The following GANC variants were observed in gnomAD, a reference collection of about 807,000 sequenced individuals.
GANC encodes the protein neutral alpha-glucosidase C.
In GANC, 117 loss-of-function variants were observed where a neutral mutation model predicts 124.2. That is an observed-to-expected ratio of 0.94 (90% CI 0.81 to 1.10). The LOEUF (loss-of-function observed/expected upper bound fraction) is 1.10. Among genes scored for constraint, GANC ranks in the 50% least tolerant of loss-of-function variants. The pLI is 0.00. For synonymous variants in GANC, 377 were observed against 376.8 expected, an observed-to-expected ratio of 1.00 and a Z score of -0.01; for missense variants, 1,140 against 1,095.0, an observed-to-expected ratio of 1.04 and a Z score of -0.58.
chr15:42,351,881 C>T (rs1361834837), intron 23 of GANC, 149 bp from the exon 24 acceptor site: 2 of 986,402 alleles, frequency 2.0e-6, no homozygotes, highest in Non-Finnish European at 2.9e-6. Flanking sequence ...TCTAAAACTT[C>T]ATGGAAGTTC....
rs1878128155 is a variant in GANC at position 42,352,440 on chromosome 15, G to T, written c.*301G>T. The T allele has an allele frequency of 3.6e-6, 4 of 1,109,056 alleles. No individual in the cohort carries two copies. Among genetic ancestry groups the T allele is most frequent in the African/African-American group, 3.2e-5 (2 of 61,702 alleles). 68.7% of individuals were successfully genotyped at this position (1,109,056 alleles called of 1,614,324 possible). ...TTGCTTCCATTCCTTCAGCAGGGCT[G>T]CGTGGGTCTGTTTTAACGTGGGCCA... On this transcript the variant is annotated 3_prime_UTR_variant, in exon 24 of 24. Transcript: ENST00000318010.
chr15:42,301,718 A>G (rs187467961), intron 6 of GANC, among the ~76,000 whole-genome samples: 57 of 152,314 alleles, frequency 3.7e-4, no homozygotes, highest in Admixed American at 1.0e-3. Context: ...TTCCCCTCAC[A>G]GTCTAAACAG....
chr15:42,279,397 A>G (rs2051709316), intron 3 of GANC, among the ~76,000 whole-genome samples: 1 of 152,208 alleles, frequency 6.6e-6, no homozygotes, highest in African/African-American at 2.4e-5. Flanking sequence ...GGAACAGGGA[A>G]CAGGCAAAAG....
intron 16 of GANC, among the ~76,000 whole-genome samples, chr15:42,339,305 A>AC: frequency 8.4e-6 from 1 of 119,172 alleles, no homozygotes; most frequent in Admixed American, 8.4e-5. Flanking sequence ...ACCCCCCTCC[A>AC]ACACACACAC....
chr15:42,292,721 G>T lies in GANC; in HGVS notation c.330-14G>T. On this transcript the variant is annotated splice_polypyrimidine_tract_variant and intron_variant, in intron 4 of 23. Transcript: ENST00000318010. ...TATAGCAGCTTGTTTCTCTCTTCCT[G>T]TTTTGTTTTCTAGGCTGATTTCATG... 6.2e-7 allele frequency: 1 copy of T among 1,609,764 alleles called. No homozygotes were observed. Among genetic ancestry groups the T allele is most frequent in the South Asian group, 1.1e-5 (1 of 90,646 alleles).
rs376286778 is a variant in GANC at position 42,352,058 on chromosome 15, G to A, written c.2664G>A (p.Thr888=). Reference sequence around the variant, plus strand: ...GTAAAGATCAGCCTGTGGCTTTTACGTATTGTGCCAAAACATCCATCCTGA... The same window carrying A: ...GTAAAGATCAGCCTGTGGCTTTTACATATTGTGCCAAAACATCCATCCTGA... ...SDGKDQPVAF[T]YCAKTSILSL... is the part of the protein sequence containing the mutation. The change falls in exon 24 of 24, where the codon ACG becomes ACA. Residue 888 remains threonine, a synonymous_variant. Coordinates refer to ENST00000318010, the MANE Select transcript of GANC (RefSeq NM_198141.3). The A allele has an allele frequency of 2.7e-5, 44 of 1,613,908 alleles. No individual in the cohort carries two copies. The highest frequency in any genetic ancestry group is 1.6e-4 in the Middle Eastern group (1 of 6,084).
chr15:42,304,367 G>A (rs2141038764), intron 6 of GANC, among the ~76,000 whole-genome samples: 1 of 152,228 alleles, frequency 6.6e-6, no homozygotes, highest in South Asian at 2.1e-4. Context: ...GTGTTTAGAG[G>A]GAAATTTGTA....
rs2141074788 is a variant in GANC, at chr15:42,340,688, A to AG, written c.2088dup. 1 of 1,599,140 alleles carries AG rather than the reference A, an allele frequency of 6.3e-7. No homozygotes were observed. The highest frequency in any genetic ancestry group is 2.2e-5 in the East Asian group (1 of 44,698). The stretch of plus-strand genomic sequence containing the variant: ...AAACAATAATTTTTTTTCTTTCCCC[A>AG]GGCCTCTGTGGGTAGAGTTCCCTGA... On this transcript the variant is annotated splice_acceptor_variant, in intron 17 of 23. Transcript: ENST00000318010. LOFTEE classifies it high-confidence loss of function.
chr15:42,321,758 G>T, intron 10 of GANC, 27 bp from the exon 11 acceptor site: 2 of 1,584,010 alleles, frequency 1.3e-6, no homozygotes, highest in South Asian at 2.2e-5. Context: ...CATGGCAGTT[G>T]ACTCAGTTGT....
In GANC at chr15:42,340,680, C is replaced by CT; in HGVS notation, c.2088-7dup. 1 of 1,576,202 alleles carries CT rather than the reference C, an allele frequency of 6.3e-7. No individual in the cohort carries two copies. Among genetic ancestry groups the CT allele is most frequent in the Admixed American group, 1.9e-5 (1 of 52,848 alleles). On this transcript the variant is annotated splice_polypyrimidine_tract_variant and intron_variant, in intron 17 of 23. Transcript: ENST00000318010. ...TAATGTTAAAACAATAATTTTTTTT[C>CT]TTTCCCCAGGCCTCTGTGGGTAGAG... is the stretch of plus-strand genomic sequence containing the variant.
intron 2 of GANC, among the ~76,000 whole-genome samples, chr15:42,277,043 A>G (rs1300310914): frequency 6.6e-6 from 1 of 152,054 alleles, no homozygotes; most frequent in African/African-American, 2.4e-5. Flanking sequence ...GTTGTTTTTA[A>G]TCTTTTGCTA....
chr15:42,280,318 C>T lies in GANC; in HGVS notation c.201+1728C>T, dbSNP rs117431351. The stretch of plus-strand genomic sequence containing the variant: ...CCCCAAAGCCATAGGTCCTCTAATG[C>T]TGATTCAGGTCTCCCTTTATATTCT... On this transcript the variant is annotated intron_variant, in intron 3 of 23. Transcript: ENST00000318010. Among the ~76,000 whole-genome samples the T allele has an allele frequency of 9.7e-3, 1,476 of 152,296 alleles. 15 individuals are homozygous for T. Among genetic ancestry groups the T allele is most frequent in the Non-Finnish European group, 0.016 (1,080 of 68,016 alleles).
chr15:42,310,379 C>T lies in GANC; in HGVS notation c.819C>T (p.Ala273=). Residue 273 remains alanine (A), a synonymous_variant, in exon 9 of 24, where the codon GCC becomes GCT. Transcript: ENST00000318010. ...ATGGTTCAGTACCTTATCTCCTGGC[C>T]CACAAACTGGGCAGAACTATAGGTA... ...GIYGSVPYLL[A]HKLGRTIGIF... The T allele has an allele frequency of 6.2e-7, 1 of 1,613,764 alleles. No homozygotes were observed. Among genetic ancestry groups the T allele is most frequent in the Non-Finnish European group, 8.5e-7 (1 of 1,179,804 alleles).
At position 42,353,248 on chromosome 15, in the gene GANC, C is replaced by T. The variant is rs116227269; in HGVS notation, c.*1109C>T. 2,404 of 986,116 alleles carry T rather than the reference C, an allele frequency of 2.4e-3. 41 individuals are homozygous for T. The African/African-American group carries it at 0.037, about 15-fold the overall frequency. The allele number at this position is 986,116 out of a possible 1,614,324, so 61.1% of individuals were successfully genotyped here. A position where few individuals can be genotyped will look rare whatever the true frequency, so the allele number is the denominator to read the frequency against. ...CGACTCCTCAGCACTCCTCAGCACACACCTCTTCTTATCAGGCTTCCTCCA... is the reference window on the plus strand; with the variant it reads ...CGACTCCTCAGCACTCCTCAGCACATACCTCTTCTTATCAGGCTTCCTCCA... On this transcript the variant is annotated 3_prime_UTR_variant, in exon 24 of 24. Coordinates refer to ENST00000318010, the MANE Select transcript of GANC (RefSeq NM_198141.3).
At chr15:42,274,548 G>A (rs371342967) in intron 1 of GANC, 38 bp downstream of exon 1, 440 of 1,582,832 alleles carry the variant, frequency 2.8e-4, no homozygotes, top group Non-Finnish European at 3.5e-4. Flanking sequence ...TGACCCCAGG[G>A]TCCCTAGAAA....
Position 42,274,353 on chromosome 15 carries a change from T to C in GANC, c.-129T>C. 1.1e-6 allele frequency: 1 copy of C among 917,134 alleles called. No homozygotes were observed. 56.8% of individuals were successfully genotyped at this position (917,134 alleles called of 1,614,324 possible). ...CACTCCATGAGAATCTGGAGGGGAC[T>C]CCCTTCCCAGAAACTTGACGATGAA... On this transcript the variant is annotated 5_prime_UTR_variant, in exon 1 of 24. Coordinates refer to ENST00000318010, the MANE Select transcript of GANC (RefSeq NM_198141.3).
intron 15 of GANC, among the ~76,000 whole-genome samples, chr15:42,336,062 C>T (rs992911554): frequency 6.6e-6 from 1 of 151,554 alleles, no homozygotes; most frequent in Non-Finnish European, 1.5e-5. Flanking sequence ...TTATAGATTC[C>T]GTGCTATTCC....
chr15:42,296,804 A>T (rs117690782), intron 5 of GANC, among the ~76,000 whole-genome samples: 3,357 of 148,318 alleles, frequency 0.023, 50 homozygotes, highest in Non-Finnish European at 0.035. Flanking sequence ...TGCTGTATAT[A>T]TTCTTTTGTA....
intron 10 of GANC, among the ~76,000 whole-genome samples, chr15:42,318,787 C>T (rs2052131256): frequency 6.6e-6 from 1 of 152,068 alleles, no homozygotes; most frequent in African/African-American, 2.4e-5. Context: ...CAGGGTCTCC[C>T]TAGGTTACCC....
Sources: gnomAD v4.1 joint callset for allele counts (sites outside exome capture counted in the v4.1 genomes callset) on GRCh38, gnomAD v4.1.1 for gene constraint, MANE v1.5 for transcripts, NCBI Gene and HGNC (gene_info 2026-07-23, HGNC 2026-07-21) for gene names.